Variants in HMGCLL1 observed in about 807,000 individuals in gnomAD.
HMGCLL1 encodes the protein 3-hydroxymethyl-3-methylglutaryl-CoA lyase, cytoplasmic.
A neutral mutation model predicts 39.1 loss-of-function variants in HMGCLL1; 36 were observed. The ratio of observed to expected loss-of-function variants is 0.92; its 90% CI spans 0.71 to 1.22. The LOEUF (loss-of-function observed/expected upper bound fraction) is 1.22. HMGCLL1 is among the 50% of genes most tolerant of loss of function. HMGCLL1 has a pLI of 0.00. For synonymous variants in HMGCLL1, 149 were observed against 144.0 expected, an observed-to-expected ratio of 1.03 and a Z score of -0.25; for missense variants, 451 against 416.5, an observed-to-expected ratio of 1.08 and a Z score of -0.72.
At chr6:55,591,936 A>G in the HMGCLL1 span, among the ~76,000 whole-genome samples, 1 of 151,994 alleles carries the variant, frequency 6.6e-6, no homozygotes, top group Admixed American at 6.6e-5. Context: ...CACTAAATTT[A>G]CACATGGAAA....
the HMGCLL1 span, among the ~76,000 whole-genome samples, chr6:55,620,998 C>T: frequency 6.6e-6 from 1 of 151,956 alleles, no homozygotes; most frequent in Non-Finnish European, 1.5e-5. Flanking sequence ...GTTTTTATGC[C>T]ACTACCATGC....
chr6:55,641,914 ATTTT>A, the HMGCLL1 span, among the ~76,000 whole-genome samples: 12 of 60,570 alleles, frequency 2.0e-4, no homozygotes, highest in African/African-American at 6.7e-4. Context: ...TTATTTATTT[ATTTT>A]TTATTATACT....
intron 3 of HMGCLL1, among the ~76,000 whole-genome samples, chr6:55,525,300 G>T (rs556670150): frequency 1.3e-5 from 2 of 151,992 alleles, no homozygotes; most frequent in South Asian, 2.1e-4. Context: ...CAGAGTTAGG[G>T]TATAAGATAT....
the HMGCLL1 span, among the ~76,000 whole-genome samples, chr6:55,624,762 A>C: frequency 6.6e-6 from 1 of 152,264 alleles, no homozygotes; most frequent in African/African-American, 2.4e-5. Context: ...CTGTTGAGAT[A>C]GTCTTACTAA....
At chr6:55,594,308 G>A in the HMGCLL1 span, among the ~76,000 whole-genome samples, 81 of 152,166 alleles carry the variant, frequency 5.3e-4, no homozygotes, top group Middle Eastern at 6.8e-3. Flanking sequence ...GAGAACACAT[G>A]TCCCAGTTTT....
At chr6:55,647,071 G>A in the HMGCLL1 span, among the ~76,000 whole-genome samples, 1 of 151,954 alleles carries the variant, frequency 6.6e-6, no homozygotes, top group Admixed American at 6.6e-5. Flanking sequence ...GTTCTCTAGT[G>A]TTGGGTTCAT....
the HMGCLL1 span, among the ~76,000 whole-genome samples, chr6:55,656,019 G>T: frequency 6.6e-6 from 1 of 151,740 alleles, no homozygotes; most frequent in Non-Finnish European, 1.5e-5. Flanking sequence ...CCTTTCCTAT[G>T]CACATACTGA....
intron 7 of HMGCLL1, among the ~76,000 whole-genome samples, chr6:55,479,419 G>T (rs1765616522): frequency 6.6e-6 from 1 of 151,486 alleles, no homozygotes; most frequent in Non-Finnish European, 1.5e-5. Context: ...GAAACTATGG[G>T]ATGTGGTTTA....
At chr6:55,632,771 G>A in the HMGCLL1 span, among the ~76,000 whole-genome samples, 5 of 152,134 alleles carry the variant, frequency 3.3e-5, no homozygotes, top group African/African-American at 1.2e-4. Flanking sequence ...TACCATGCCT[G>A]GTAAGTAAGC....
At chr6:55,640,146 G>A in the HMGCLL1 span, among the ~76,000 whole-genome samples, 1 of 152,058 alleles carries the variant, frequency 6.6e-6, no homozygotes, top group African/African-American at 2.4e-5. Context: ...AAGAAGAGGA[G>A]GAGGGGCAGG....
intron 1 of HMGCLL1, chr6:55,577,075 T>A: frequency 6.2e-7 from 1 of 1,612,862 alleles, no homozygotes; most frequent in Non-Finnish European, 8.5e-7. Flanking sequence ...TCTGGATATT[T>A]ACCCAGTGGA....
chr6:55,447,321 T>C (rs1251884672), intron 7 of HMGCLL1, among the ~76,000 whole-genome samples: 8 of 152,040 alleles, frequency 5.3e-5, no homozygotes, highest in Admixed American at 1.3e-4. Context: ...ATGAATAATG[T>C]CAATGTTTTA....
chr6:55,573,347 G>A (rs192437071), intron 1 of HMGCLL1, among the ~76,000 whole-genome samples: 218 of 152,030 alleles, frequency 1.4e-3, no homozygotes, highest in African/African-American at 4.8e-3. Context: ...TTTAAATTTC[G>A]TAGGCATACC....
At chr6:55,626,617 C>A in the HMGCLL1 span, among the ~76,000 whole-genome samples, 4 of 152,032 alleles carry the variant, frequency 2.6e-5, no homozygotes, top group Non-Finnish European at 5.9e-5. Flanking sequence ...GTAGAAGTGG[C>A]ACCACTCACC....
At chr6:55,520,246 TAATAAATAAATAAATA>T (rs34163936) in intron 3 of HMGCLL1, among the ~76,000 whole-genome samples, 71 of 143,962 alleles carry the variant, frequency 4.9e-4, no homozygotes, top group African/African-American at 1.7e-3. Context: ...TAAAGTATAA[TAATAAATAAATAAATA>T]AATAAATAAA....
At chr6:55,556,883 T>C (rs1770706651) in intron 1 of HMGCLL1, among the ~76,000 whole-genome samples, 3 of 152,176 alleles carry the variant, frequency 2.0e-5, no homozygotes. Context: ...CCTTACATCT[T>C]GATTTCTCCT....
chr6:55,644,621 T>A, the HMGCLL1 span, among the ~76,000 whole-genome samples: 2 of 151,994 alleles, frequency 1.3e-5, no homozygotes, highest in Non-Finnish European at 2.9e-5. Flanking sequence ...CTCATCGATA[T>A]CCAGTTTTTC....
At chr6:55,653,880 C>T in the HMGCLL1 span, among the ~76,000 whole-genome samples, 445 of 150,978 alleles carry the variant, frequency 2.9e-3, 1 homozygote, top group African/African-American at 0.01. Flanking sequence ...TGTATTAACC[C>T]TCCCATTCCC....
chr6:55,567,054 T>A (rs1287477552), intron 1 of HMGCLL1, among the ~76,000 whole-genome samples: 1 of 152,042 alleles, frequency 6.6e-6, no homozygotes, highest in Admixed American at 6.6e-5. Context: ...TATAGCCACA[T>A]CCCTTAAAAA....
Sources: gnomAD v4.1 joint callset for allele counts (sites outside exome capture counted in the v4.1 genomes callset) on GRCh38, gnomAD v4.1.1 for gene constraint, MANE v1.5 for transcripts, NCBI Gene and HGNC (gene_info 2026-07-23, HGNC 2026-07-21) for gene names.